The following TRNAU1AP variants were observed in gnomAD, a reference collection of about 807,000 sequenced individuals.
TRNAU1AP encodes the protein tRNA selenocysteine 1 associated protein 1.
In TRNAU1AP, 33 loss-of-function variants were observed where a neutral mutation model predicts 43.3. That is an observed-to-expected ratio of 0.76 (90% CI 0.58 to 1.02). TRNAU1AP has a LOEUF of 1.02. TRNAU1AP is among the 50% of genes least tolerant of loss of function. TRNAU1AP has a pLI of 0.00. For synonymous variants in TRNAU1AP, 143 were observed against 129.1 expected (o/e 1.11, Z -0.73); for missense variants, 290 against 362.7 (o/e 0.80, Z 1.63).
chr1:28,555,462 A>G (rs1024677580), intron 2 of TRNAU1AP, among the ~76,000 whole-genome samples: 1 of 148,752 alleles, frequency 6.7e-6, no homozygotes, highest in Non-Finnish European at 1.5e-5. Flanking sequence ...GGAATTATCA[A>G]TTTGTCAGTG....
Position 28,553,758 on chromosome 1 carries a change from C to T in TRNAU1AP, c.125+21C>T, listed in dbSNP as rs1438057375. The T allele has an allele frequency of 2.5e-6, 4 of 1,596,532 alleles. No homozygotes were observed. The Admixed American group carries it at 5.0e-5, about 20-fold the overall frequency. On this transcript the variant is annotated intron_variant, in intron 2 of 8. Coordinates refer to ENST00000373830, the MANE Select transcript of TRNAU1AP (RefSeq NM_017846.5). ...ACTGGGTAAGTCTCATCTCAGGTCT[C>T]TCTTAATACATCTCGTTGCAGCTGT...
chr1:28,574,387 C>G (rs187803642), intron 8 of TRNAU1AP, among the ~76,000 whole-genome samples: 313 of 152,020 alleles, frequency 2.1e-3, no homozygotes, highest in African/African-American at 7.0e-3. Context: ...TGTGCCCGGC[C>G]AAGTATTTAT....
intron 6 of TRNAU1AP, among the ~76,000 whole-genome samples, chr1:28,569,368 C>G (rs1225496564): frequency 1.3e-5 from 2 of 151,974 alleles, no homozygotes; most frequent in African/African-American, 4.8e-5. Flanking sequence ...GCACTCTAGC[C>G]CAGGCAACAG....
chr1:28,561,377 A>G lies in TRNAU1AP; in HGVS notation c.257A>G (p.Tyr86Cys). The change falls in exon 4 of 9, where the codon TAC becomes TGC. Residue 86 changes from tyrosine to cysteine, a missense_variant. Tyr to Cys is a radical substitution (Grantham distance 194, BLOSUM62 -2). This residue lies in a region of TRNAU1AP where 174 missense variants were observed against 262.1 expected (regional missense o/e 0.66). Coordinates refer to ENST00000373830, the MANE Select transcript of TRNAU1AP (RefSeq NM_017846.5). ...AKRFKLNYAT[Y>C]GKQPDNSPEY... Reference sequence around the variant, plus strand: ...CGTTTTAAACTGAACTATGCCACTTACGGGAAACAACCAGATAACAGGTAG... The same window carrying G: ...CGTTTTAAACTGAACTATGCCACTTGCGGGAAACAACCAGATAACAGGTAG... The G allele has an allele frequency of 6.2e-7, 1 of 1,614,188 alleles. No homozygotes were observed. The highest frequency in any genetic ancestry group is 8.5e-7 in the Non-Finnish European group (1 of 1,180,030).
Position 28,577,748 on chromosome 1 carries a change from T to C in TRNAU1AP, c.*112T>C. ...ATTTGTAAGATTTTAATAATGACTG[T>C]TTTTGGAGATCATGAATGTTTCTAC... On this transcript the variant is annotated 3_prime_UTR_variant, in exon 9 of 9. Transcript: ENST00000373830. 8.3e-7 allele frequency: 1 copy of C among 1,203,372 alleles called. No homozygotes were observed. Among genetic ancestry groups the C allele is most frequent in the Non-Finnish European group, 1.2e-6 (1 of 855,324 alleles). 74.5% of individuals were successfully genotyped at this position (1,203,372 alleles called of 1,614,324 possible).
At position 28,553,660 on chromosome 1, in the gene TRNAU1AP, G is replaced by T. The variant is rs1346356833; in HGVS notation, c.48G>T (p.Glu16Asp). The T allele has an allele frequency of 6.2e-7, 1 of 1,614,150 alleles. No homozygotes were observed. Among genetic ancestry groups the T allele is most frequent in the South Asian group, 1.1e-5 (1 of 91,078 alleles). Residue 16 changes from glutamate (E) to aspartate (D), a missense_variant, in exon 2 of 9, where the codon GAG becomes GAT. By Grantham distance (45) the Glu-to-Asp change is conservative. Transcript: ENST00000373830. ...WMGDLEPYMD[E>D]NFISRAFATM... ...CGCAGCTGGAACCCTACATGGATGA[G>T]AACTTCATCTCCAGAGCCTTTGCCA...
Position 28,577,817 on chromosome 1 carries a change from G to A in TRNAU1AP, c.*181G>A. ...TGACCATTTGAGTTTGAAGACCAAGGGAACAACTTTTAAACAAGGTTCAAA... is the reference window on the plus strand; with the variant it reads ...TGACCATTTGAGTTTGAAGACCAAGAGAACAACTTTTAAACAAGGTTCAAA... On this transcript the variant is annotated 3_prime_UTR_variant, in exon 9 of 9. Transcript: ENST00000373830. 4 of 663,166 alleles carry A rather than the reference G, an allele frequency of 6.0e-6. No homozygotes were observed. The highest frequency in any genetic ancestry group is 7.4e-6 in the Non-Finnish European group (3 of 407,302). 41.1% of individuals were successfully genotyped at this position (663,166 alleles called of 1,614,324 possible). A position where few individuals can be genotyped will look rare whatever the true frequency, so the allele number is the denominator to read the frequency against.
intron 3 of TRNAU1AP, 170 bp from the exon 4 acceptor site, chr1:28,561,175 TG>T: frequency 7.0e-7 from 1 of 1,438,088 alleles, no homozygotes; most frequent in Non-Finnish European, 9.1e-7. Flanking sequence ...GAGCTGGCAG[TG>T]CCCTTAGCGG....
At chr1:28,565,052 GAGCTGATTAATAAT>G in intron 5 of TRNAU1AP, 1 of 561,896 alleles carries the variant, frequency 1.8e-6, no homozygotes, top group Non-Finnish European at 3.1e-6. Context: ...CTGTAAAATG[GAGCTGATTAATAAT>G]AGCTGCTTGT....
At chr1:28,566,540 C>G (rs1404165971) in intron 5 of TRNAU1AP, among the ~76,000 whole-genome samples, 4 of 151,960 alleles carry the variant, frequency 2.6e-5, no homozygotes, top group African/African-American at 9.7e-5. Flanking sequence ...ATCATGAGGT[C>G]AGAAGATCGA....
In TRNAU1AP at chr1:28,564,748, T is replaced by C. The variant is rs150953153; in HGVS notation, c.324T>C (p.Asp108=). The change falls in exon 5 of 9, where the codon GAT becomes GAC. Residue 108 remains aspartate (D), a synonymous_variant. Coordinates refer to ENST00000373830, the MANE Select transcript of TRNAU1AP (RefSeq NM_017846.5). ...LFVGDLTPDV[D]DGMLYEFFVK... ...TGGGGGACCTGACCCCGGACGTGGA[T>C]GATGGCATGCTGTATGAATTCTTCG... The C allele has an allele frequency of 0.035, 55,776 of 1,614,082 alleles. 1,126 individuals are homozygous for C. Among genetic ancestry groups the C allele is most frequent in the Middle Eastern group, 0.041 (249 of 6,062 alleles).
chr1:28,571,786 A>AAAAATAAAAAAAAAAAAAATAAATAAAAT, intron 7 of TRNAU1AP, 81 bp from the exon 8 acceptor site: 1 of 1,008,580 alleles, frequency 9.9e-7, no homozygotes, highest in Non-Finnish European at 1.5e-6. Flanking sequence ...CCACCTCAAA[A>AAAAATAAAAAAAAAAAAAATAAATAAAAT]AAAATAAAAA....
chr1:28,563,174 A>G (rs1023027952), intron 4 of TRNAU1AP, among the ~76,000 whole-genome samples: 22 of 151,236 alleles, frequency 1.5e-4, no homozygotes, highest in African/African-American at 5.3e-4. Flanking sequence ...GATTACAGGC[A>G]TGAGCCACTG....
chr1:28,571,820 C>T, intron 7 of TRNAU1AP, 47 bp from the exon 8 acceptor site: 1 of 1,569,232 alleles, frequency 6.4e-7, no homozygotes, highest in Non-Finnish European at 8.8e-7. Context: ...TGGTCCTGGG[C>T]CAGGATTTCA....
At chr1:28,571,776 C>G in intron 7 of TRNAU1AP, 91 bp from the exon 8 acceptor site, 1 of 864,556 alleles carries the variant, frequency 1.2e-6, no homozygotes, top group Non-Finnish European at 1.8e-6. Flanking sequence ...GAGCTAGACT[C>G]CACCTCAAAA....
In TRNAU1AP at chr1:28,577,824, C is replaced by G. The variant is rs1039738397; in HGVS notation, c.*188C>G. Reference sequence around the variant, plus strand: ...TTGAGTTTGAAGACCAAGGGAACAACTTTTAAACAAGGTTCAAATTGGTTT... The same window carrying G: ...TTGAGTTTGAAGACCAAGGGAACAAGTTTTAAACAAGGTTCAAATTGGTTT... On this transcript the variant is annotated 3_prime_UTR_variant, in exon 9 of 9. Coordinates refer to ENST00000373830, the MANE Select transcript of TRNAU1AP (RefSeq NM_017846.5). 2 of 623,226 alleles carry G rather than the reference C, an allele frequency of 3.2e-6. No homozygotes were observed. Among genetic ancestry groups the G allele is most frequent in the African/African-American group, 1.9e-5 (1 of 53,632 alleles). 38.6% of individuals were successfully genotyped at this position (623,226 alleles called of 1,614,324 possible).
At chr1:28,565,137 G>C (rs765697183) in intron 5 of TRNAU1AP, 8 of 334,686 alleles carry the variant, frequency 2.4e-5, no homozygotes, top group African/African-American at 1.1e-4. Flanking sequence ...ATGCTTTATA[G>C]GTGTTTGCTG....
Position 28,578,355 on chromosome 1 carries a change from G to T in TRNAU1AP, c.*719G>T. On this transcript the variant is annotated 3_prime_UTR_variant, in exon 9 of 9. Transcript: ENST00000373830. ...CTTCCGTGTTTCCCAAGTAAATGGG[G>T]AAACTGTCCAACCTTGTCATGTGTT... 1 of 177,374 alleles carries T rather than the reference G, an allele frequency of 5.6e-6. No homozygotes were observed. The highest frequency in any genetic ancestry group is 1.6e-4 in the East Asian group (1 of 6,222). The allele number at this position is 177,374 out of a possible 1,614,324, so 11.0% of individuals were successfully genotyped here. A position where few individuals can be genotyped will look rare whatever the true frequency, so the allele number is the denominator to read the frequency against.
intron 8 of TRNAU1AP, among the ~76,000 whole-genome samples, chr1:28,572,967 T>G (rs1196638730): frequency 6.6e-6 from 1 of 150,550 alleles, no homozygotes; most frequent in Non-Finnish European, 1.5e-5. Flanking sequence ...TAGTAAAGTA[T>G]AATGAAACTG....
Sources: gnomAD v4.1 joint callset for allele counts (sites outside exome capture counted in the v4.1 genomes callset) on GRCh38, gnomAD v4.1.1 for gene constraint, gnomAD v4.1.1 regional missense constraint, MANE v1.5 for transcripts, NCBI Gene and HGNC (gene_info 2026-07-23, HGNC 2026-07-21) for gene names.